Variants in DLGAP2 observed in about 807,000 individuals in gnomAD.
DLGAP2 encodes the protein DLG associated protein 2.
Under a neutral mutation model 100.3 loss-of-function variants are expected in DLGAP2, and 26 were observed. The observed-to-expected ratio is 0.26, with a 90% CI of 0.19 to 0.36. DLGAP2 has a LOEUF of 0.36. Ranked by LOEUF, DLGAP2 falls within the 10% of genes least tolerant of loss-of-function variation. DLGAP2 has a pLI of 1.00. For synonymous variants in DLGAP2, 886 were observed against 630.1 expected (o/e 1.41, Z -6.08); for missense variants, 1,858 against 1,453.2 (o/e 1.28, Z -4.53).
intron 2 of DLGAP2, among the ~76,000 whole-genome samples, chr8:1,067,515 CG>C (rs1803292477): frequency 6.6e-6 from 1 of 152,066 alleles, no homozygotes; most frequent in Non-Finnish European, 1.5e-5. Flanking sequence ...GTCCTCCACA[CG>C]GGGCTATGCC....
chr8:1,678,734 A>C, intron 12 of DLGAP2, 105 bp downstream of exon 12: 2 of 1,253,562 alleles, frequency 1.6e-6, no homozygotes, highest in Non-Finnish European at 2.1e-6. Context: ...TTGGTATTCA[A>C]GTGAAGGGAA....
intron 2 of DLGAP2, among the ~76,000 whole-genome samples, chr8:1,061,921 C>G (rs1026677702): frequency 3.9e-5 from 6 of 152,092 alleles, no homozygotes; most frequent in African/African-American, 1.4e-4. Context: ...CCCATGTCGT[C>G]AGCACTGTGA....
intron 1 of DLGAP2, among the ~76,000 whole-genome samples, chr8:894,645 T>C (rs1239171177): frequency 9.7e-3 from 156 of 16,156 alleles, no homozygotes; most frequent in Middle Eastern, 0.04. Context: ...GTGGGGAGAG[T>C]GGAGTGGCGG....
rs750320375 is a variant in DLGAP2 at position 1,668,510 on chromosome 8, G to C, written c.1992G>C (p.Thr664=). Residue 664 remains threonine, a synonymous_variant, in exon 9 of 15, where the codon ACG becomes ACC. Transcript: ENST00000637795. The part of the protein sequence containing the change: ...PQDSRGLYNS[T]DSLDSNKAMN... ...ACAGCCGCGGCCTCTACAACTCCAC[G>C]GACAGCCTGGACAGCAACAAGGCCA... 1.3e-6 allele frequency: 2 copies of C among 1,592,228 alleles called. No homozygotes were observed. The highest frequency in any genetic ancestry group is 1.8e-5 in the Admixed American group (1 of 56,834).
In DLGAP2 at chr8:962,962, C is replaced by G. The variant is rs1004098100; in HGVS notation, c.73+54996C>G. On this transcript the variant is annotated intron_variant, in intron 2 of 14. Transcript: ENST00000637795. ...CCATTCCCATGGTCAGGAGGCAGGT[C>G]TTAGGTTCGGGGTCCTCTGATGGGA... 8.5e-5 allele frequency among the ~76,000 whole-genome samples: 13 copies of G among 152,310 alleles called. No individual in the cohort carries two copies. The South Asian group carries it at 2.5e-3, about 29-fold the overall frequency.
At chr8:1,023,943 T>C (rs1184448806) in intron 2 of DLGAP2, among the ~76,000 whole-genome samples, 1 of 149,108 alleles carries the variant, frequency 6.7e-6, no homozygotes, top group Non-Finnish European at 1.5e-5. Flanking sequence ...TGCTGCTTTC[T>C]AAGTGTGGGT....
intron 1 of DLGAP2, among the ~76,000 whole-genome samples, chr8:831,346 C>G (rs925306380): frequency 6.7e-6 from 1 of 148,894 alleles, no homozygotes; most frequent in Non-Finnish European, 1.5e-5. Context: ...GGTATTTCTC[C>G]TAATGCTATC....
intron 2 of DLGAP2, among the ~76,000 whole-genome samples, chr8:1,120,675 C>T (rs1267805798): frequency 6.6e-6 from 1 of 151,742 alleles, no homozygotes. Flanking sequence ...CCTTTGGATG[C>T]CATGATGCCT....
chr8:744,914 C>T (rs528306746), intron 1 of DLGAP2, among the ~76,000 whole-genome samples: 36 of 152,338 alleles, frequency 2.4e-4, no homozygotes, highest in African/African-American at 7.9e-4. Flanking sequence ...GACTGGGTCC[C>T]GGCTTCCCCA....
intron 2 of DLGAP2, among the ~76,000 whole-genome samples, chr8:1,159,629 C>G (rs1033841734): frequency 1.3e-5 from 2 of 152,116 alleles, no homozygotes; most frequent in Non-Finnish European, 2.9e-5. Flanking sequence ...ATACCTGCAT[C>G]TATCAAAAAT....
At chr8:861,553 T>G (rs1472520732) in intron 1 of DLGAP2, among the ~76,000 whole-genome samples, 1 of 152,244 alleles carries the variant, frequency 6.6e-6, no homozygotes, top group African/African-American at 2.4e-5. Context: ...TAGAATAAAT[T>G]AATAAACAGT....
chr8:1,520,828 G>A (rs370764154), intron 4 of DLGAP2, among the ~76,000 whole-genome samples: 5 of 152,284 alleles, frequency 3.3e-5, no homozygotes, highest in African/African-American at 1.2e-4. Flanking sequence ...ATCTGTGTGC[G>A]GGTTGATGTG....
chr8:877,665 C>T (rs1210133386), intron 1 of DLGAP2, among the ~76,000 whole-genome samples: 1 of 152,224 alleles, frequency 6.6e-6, no homozygotes, highest in Non-Finnish European at 1.5e-5. Flanking sequence ...TAGTTCTTCC[C>T]TGCAAGCCAG....
intron 1 of DLGAP2, among the ~76,000 whole-genome samples, chr8:805,231 T>C (rs1168768486): frequency 6.6e-6 from 1 of 152,218 alleles, no homozygotes; most frequent in African/African-American, 2.4e-5. Context: ...CAGTGGTGAT[T>C]AGGATAAGGA....
intron 3 of DLGAP2, among the ~76,000 whole-genome samples, chr8:1,445,106 A>T (rs1275010842): frequency 1.4e-5 from 2 of 145,314 alleles, no homozygotes; most frequent in African/African-American, 2.6e-5. Flanking sequence ...TTATTATTAT[A>T]CTCTAAGTTT....
chr8:1,085,187 C>T (rs142343831), intron 2 of DLGAP2, among the ~76,000 whole-genome samples: 1 of 152,200 alleles, frequency 6.6e-6, no homozygotes, highest in Non-Finnish European at 1.5e-5. Flanking sequence ...GTTCAGGTAC[C>T]TTGCCCATTT....
At chr8:845,635 G>A (rs1563060475) in intron 1 of DLGAP2, among the ~76,000 whole-genome samples, 1 of 152,104 alleles carries the variant, frequency 6.6e-6, no homozygotes, top group African/African-American at 2.4e-5. Context: ...TTTCTTGATG[G>A]TGTTCTTTGA....
At chr8:1,312,359 T>A (rs1366647150) in intron 3 of DLGAP2, among the ~76,000 whole-genome samples, 1 of 152,174 alleles carries the variant, frequency 6.6e-6, no homozygotes, top group African/African-American at 2.4e-5. Flanking sequence ...AATTTAAAAC[T>A]TCTGCTTTCT....
chr8:1,524,452 C>T lies in DLGAP2; in HGVS notation c.172+23021C>T, dbSNP rs193064027. Among the ~76,000 whole-genome samples, 29 of 152,238 alleles carry T rather than the reference C, an allele frequency of 1.9e-4. No individual in the cohort carries two copies. In the East Asian group the frequency reaches 5.6e-3, roughly 30 times the overall value. Reference sequence around the variant, plus strand: ...AGCTTGGGCAGCCCTAACTAAGGAGCCCAGACTGGGCGGCTTAAACAACGG... The same window carrying T: ...AGCTTGGGCAGCCCTAACTAAGGAGTCCAGACTGGGCGGCTTAAACAACGG... On this transcript the variant is annotated intron_variant, in intron 4 of 14. Coordinates refer to ENST00000637795, the MANE Select transcript of DLGAP2 (RefSeq NM_001346810.2).
Sources: allele counts gnomAD v4.1 joint callset (sites outside exome capture counted in the v4.1 genomes callset), GRCh38; gene constraint gnomAD v4.1.1; transcripts MANE v1.5; gene names NCBI Gene and HGNC (gene_info 2026-07-23, HGNC 2026-07-21).